The following NRXN3 variants were observed in gnomAD, a reference collection of about 807,000 sequenced individuals.
The protein encoded by NRXN3 is neurexin 3, also known as neurexin III.
A neutral mutation model predicts 137.6 loss-of-function variants in NRXN3; 32 were observed. The ratio of observed to expected loss-of-function variants is 0.23; its 90% CI spans 0.18 to 0.31. The LOEUF (loss-of-function observed/expected upper bound fraction) is 0.31, where lower values mean the gene tolerates loss of function less well. Among genes scored for constraint, NRXN3 ranks in the 10% least tolerant of loss-of-function variants. The probability of loss-of-function intolerance (pLI) is 1.00; values close to 1 mark genes in which losing one functional copy is unlikely to be tolerated. For missense variants in NRXN3, 1,574 were observed against 2,062.5 expected (o/e 0.76, Z 4.59); for synonymous variants, 798 against 784.5 (o/e 1.02, Z -0.29).
intron 17 of NRXN3, among the ~76,000 whole-genome samples, chr14:79,690,873 T>C (rs1213374905): frequency 6.6e-6 from 1 of 152,152 alleles, no homozygotes; most frequent in Non-Finnish European, 1.5e-5. Context: ...TATGCAATTC[T>C]AATATTCTTT....
intron 10 of NRXN3, among the ~76,000 whole-genome samples, chr14:78,913,565 A>T (rs1037663437): frequency 6.6e-6 from 1 of 151,936 alleles, no homozygotes; most frequent in Non-Finnish European, 1.5e-5. Context: ...GATGTGAGCC[A>T]CCGCGGCCGG....
intron 15 of NRXN3, among the ~76,000 whole-genome samples, chr14:79,376,402 C>T (rs112173534): frequency 0.013 from 2,030 of 151,822 alleles, 42 homozygotes; most frequent in African/African-American, 0.046. Context: ...TTCATTCACA[C>T]GGAAACGTGG....
At chr14:78,324,351 G>T (rs75712026) in intron 4 of NRXN3, among the ~76,000 whole-genome samples, 2,170 of 152,176 alleles carry the variant, frequency 0.014, 80 homozygotes, top group African/African-American at 0.046. Context: ...GCATAGGACA[G>T]CTGAGACACC....
intron 15 of NRXN3, among the ~76,000 whole-genome samples, chr14:79,137,099 TG>T (rs1344638474): frequency 7.2e-5 from 11 of 152,218 alleles, no homozygotes; most frequent in Admixed American, 2.0e-4. Flanking sequence ...AAGATTCTTT[TG>T]TTTCTATATG....
intron 10 of NRXN3, among the ~76,000 whole-genome samples, chr14:78,955,412 T>C (rs1172912282): frequency 6.6e-6 from 1 of 152,156 alleles, no homozygotes; most frequent in Non-Finnish European, 1.5e-5. Context: ...TACAGGGAAA[T>C]TCTGTTGTAA....
rs79395770 is a variant in NRXN3, at chr14:79,187,041, C to G, written c.3262+198900C>G. Among the ~76,000 whole-genome samples the G allele has an allele frequency of 9.7e-3, 1,476 of 152,252 alleles. 15 individuals are homozygous for G. Among genetic ancestry groups the G allele is most frequent in the Admixed American group, 0.017 (255 of 15,300 alleles). ...AGATTCCTTCCAATCGAGTTTCCTTCTTACCATTTTTCTGCTGTGATAGTT... is the reference window on the plus strand; with the variant it reads ...AGATTCCTTCCAATCGAGTTTCCTTGTTACCATTTTTCTGCTGTGATAGTT... On this transcript the variant is annotated intron_variant, in intron 15 of 20. Transcript: ENST00000335750.
intron 19 of NRXN3, among the ~76,000 whole-genome samples, chr14:79,721,024 GTATT>G (rs1360460468): frequency 4.6e-5 from 7 of 152,080 alleles, no homozygotes; most frequent in African/African-American, 1.7e-4. Flanking sequence ...ATAAAATGCA[GTATT>G]TATCTGTATA....
intron 15 of NRXN3, among the ~76,000 whole-genome samples, chr14:79,232,700 A>G (rs2153276985): frequency 6.6e-6 from 1 of 152,270 alleles, no homozygotes; most frequent in African/African-American, 2.4e-5. Context: ...TGTGAAGTAT[A>G]GATGAAGGTA....
chr14:79,846,780 A>T (rs2099375687), intron 20 of NRXN3, among the ~76,000 whole-genome samples: 1 of 152,166 alleles, frequency 6.6e-6, no homozygotes, highest in Non-Finnish European at 1.5e-5. Context: ...TAGGAAAGGG[A>T]TAGTGTCTTC....
intron 6 of NRXN3, among the ~76,000 whole-genome samples, chr14:78,682,780 G>A (rs2098088880): frequency 6.6e-6 from 1 of 152,156 alleles, no homozygotes; most frequent in South Asian, 2.1e-4. Flanking sequence ...CCAAGGCCAT[G>A]CTGCTGATTT....
At chr14:78,596,866 C>T (rs1025857327) in intron 4 of NRXN3, among the ~76,000 whole-genome samples, 9 of 152,086 alleles carry the variant, frequency 5.9e-5, no homozygotes, top group African/African-American at 2.2e-4. Context: ...TCTGAGGGCA[C>T]AGTCTAAACA....
intron 15 of NRXN3, among the ~76,000 whole-genome samples, chr14:79,084,784 G>A (rs2047774592): frequency 6.6e-6 from 1 of 152,028 alleles, no homozygotes; most frequent in Admixed American, 6.6e-5. Flanking sequence ...ATGTTCGTAG[G>A]TGACACCAGT....
chr14:79,468,077 C>T (rs957302930), intron 16 of NRXN3, among the ~76,000 whole-genome samples: 4 of 152,184 alleles, frequency 2.6e-5, no homozygotes, highest in Admixed American at 2.0e-4. Flanking sequence ...GGAAACAGAA[C>T]AGTGATCAAG....
intron 1 of NRXN3, among the ~76,000 whole-genome samples, chr14:78,180,020 G>T (rs1283645744): frequency 1.3e-5 from 2 of 151,616 alleles, no homozygotes; most frequent in African/African-American, 4.8e-5. Context: ...TAATTTTTTT[G>T]CATTTTTAGT....
intron 15 of NRXN3, among the ~76,000 whole-genome samples, chr14:79,349,351 G>A (rs1484263369): frequency 6.6e-6 from 1 of 151,860 alleles, no homozygotes; most frequent in African/African-American, 2.4e-5. Flanking sequence ...CCATAGAGGG[G>A]AGTACCTGTG....
chr14:78,581,470 C>T (rs1211051801), intron 4 of NRXN3, among the ~76,000 whole-genome samples: 4 of 152,196 alleles, frequency 2.6e-5, no homozygotes, highest in African/African-American at 4.8e-5. Flanking sequence ...ATGCCACTCA[C>T]GAGGGTTCTG....
intron 1 of NRXN3, among the ~76,000 whole-genome samples, chr14:78,213,763 A>G (rs1242870245): frequency 6.6e-6 from 1 of 152,102 alleles, no homozygotes; most frequent in Non-Finnish European, 1.5e-5. Flanking sequence ...GGCTACCCTC[A>G]TAGGGGAGGG....
At chr14:79,322,536 T>C (rs1265511317) in intron 15 of NRXN3, among the ~76,000 whole-genome samples, 2 of 152,220 alleles carry the variant, frequency 1.3e-5, no homozygotes, top group Non-Finnish European at 2.9e-5. Flanking sequence ...AATTTTTTTC[T>C]AGATGGCAAA....
chr14:79,281,832 C>T (rs540445402), intron 15 of NRXN3: 1 of 152,238 alleles, frequency 6.6e-6, no homozygotes, highest in Non-Finnish European at 1.5e-5. Flanking sequence ...CTGATAACAT[C>T]CAGACCCTAT....
Sources: gnomAD v4.1 joint callset for allele counts (sites outside exome capture counted in the v4.1 genomes callset) on GRCh38, gnomAD v4.1.1 for gene constraint, MANE v1.5 for transcripts, NCBI Gene and HGNC (gene_info 2026-07-23, HGNC 2026-07-21) for gene names.